DYNC2H1: variants seen among roughly 807,000 people sequenced by gnomAD.
DYNC2H1 encodes the protein cytoplasmic dynein 2 heavy chain 1.
In DYNC2H1, 410 loss-of-function variants were observed where a neutral mutation model predicts 570.0. That is an observed-to-expected ratio of 0.72 (90% CI 0.66 to 0.78). DYNC2H1 has a LOEUF of 0.78. Among genes scored for constraint, DYNC2H1 ranks in the 30% least tolerant of loss-of-function variants. The pLI is 0.00. For missense variants in DYNC2H1, 4,865 were observed against 5,046.4 expected, an observed-to-expected ratio of 0.96 and a Z score of 1.09; for synonymous variants, 1,688 against 1,677.6, an observed-to-expected ratio of 1.01 and a Z score of -0.15.
At chr11:103,457,572 A>ATAATGAAC (rs137865448) in intron 87 of DYNC2H1, among the ~76,000 whole-genome samples, 10,638 of 151,916 alleles carry the variant, frequency 0.07, 629 homozygotes, top group East Asian at 0.2. Context: ...AACTTAAAAA[A>ATAATGAAC]TAATGATATA....
chr11:103,227,459 G>T (rs1389500297), intron 59 of DYNC2H1, among the ~76,000 whole-genome samples: 1 of 152,054 alleles, frequency 6.6e-6, no homozygotes, highest in Non-Finnish European at 1.5e-5. Context: ...TTCAGGAGCA[G>T]GTTATTTAAT....
chr11:103,190,139 G>T (rs1220254535), intron 45 of DYNC2H1, among the ~76,000 whole-genome samples: 1 of 152,102 alleles, frequency 6.6e-6, no homozygotes, highest in African/African-American at 2.4e-5. Flanking sequence ...ACTTCTATCA[G>T]TTTGTGTCTT....
intron 48 of DYNC2H1, among the ~76,000 whole-genome samples, 158 bp downstream of exon 48, chr11:103,198,221 G>A (rs763430346): frequency 1.3e-5 from 2 of 152,174 alleles, no homozygotes; most frequent in East Asian, 1.9e-4. Context: ...CGGATGTAAC[G>A]AGATGTGCCT....
chr11:103,225,094 A>G (rs1863751762), intron 59 of DYNC2H1, among the ~76,000 whole-genome samples: 1 of 151,486 alleles, frequency 6.6e-6, no homozygotes, highest in South Asian at 2.1e-4. Context: ...TTTTTGATGG[A>G]GTCGTTTGTT....
chr11:103,402,416 A>G (rs922362614), intron 84 of DYNC2H1: 2 of 152,134 alleles, frequency 1.3e-5, no homozygotes, highest in South Asian at 4.1e-4. Flanking sequence ...ATATCACGTC[A>G]TCATTGGTAT....
intron 65 of DYNC2H1, among the ~76,000 whole-genome samples, chr11:103,250,273 A>T (rs1235486720): frequency 1.3e-5 from 2 of 152,010 alleles, no homozygotes; most frequent in Non-Finnish European, 2.9e-5. Flanking sequence ...GATAATTTTT[A>T]TTATCTTTTT....
Position 103,165,955 on chromosome 11 carries a change from G to C in DYNC2H1, c.4669G>C (p.Asp1557His). The C allele has an allele frequency of 1.3e-6, 2 of 1,515,540 alleles. No homozygotes were observed. The highest frequency in any genetic ancestry group is 1.8e-6 in the Non-Finnish European group (2 of 1,131,212). The allele number at this position is 1,515,540 out of a possible 1,614,324, so 93.9% of individuals were successfully genotyped here. Residue 1557 changes from aspartate (D) to histidine (H), a missense_variant, in exon 31 of 89, where the codon GAT becomes CAT. Physicochemically the swap from Asp to His is moderately conservative, Grantham distance 81 (BLOSUM62 -1). This residue lies in a region of DYNC2H1 where 1,936 missense variants were observed against 1,962.1 expected (regional missense o/e 0.99). Coordinates refer to ENST00000375735, the MANE Select transcript of DYNC2H1 (RefSeq NM_001377.3). Reference sequence around the variant, plus strand: ...TGAAGATGTAGAAAATGCTATTAAAGATCATAGTCTTCATCAGATTGAAAC... The same window carrying C: ...TGAAGATGTAGAAAATGCTATTAAACATCATAGTCTTCATCAGATTGAAAC... ...FTEDVENAIK[D>H]HSLHQIETQL...
chr11:103,270,115 C>T (rs547379001), intron 70 of DYNC2H1, among the ~76,000 whole-genome samples: 92 of 151,340 alleles, frequency 6.1e-4, no homozygotes, highest in Middle Eastern at 3.4e-3. Context: ...ATTGCTTGAA[C>T]CCAGGAGGTG....
intron 70 of DYNC2H1, among the ~76,000 whole-genome samples, chr11:103,265,799 C>G (rs1190621328): frequency 6.6e-6 from 1 of 152,162 alleles, no homozygotes; most frequent in Non-Finnish European, 1.5e-5. Flanking sequence ...TTGGGCCTAC[C>G]TATCTTCAGT....
intron 83 of DYNC2H1, among the ~76,000 whole-genome samples, chr11:103,380,950 C>T (rs142527708): frequency 1.2e-4 from 18 of 152,182 alleles, no homozygotes; most frequent in East Asian, 1.9e-4. Flanking sequence ...TAACTGTTGC[C>T]GATAGAACTA....
chr11:103,288,118 C>G (rs533999866), intron 75 of DYNC2H1, among the ~76,000 whole-genome samples: 1 of 151,942 alleles, frequency 6.6e-6, no homozygotes, highest in South Asian at 2.1e-4. Flanking sequence ...GGTGTTATCC[C>G]CAGGAGCCAT....
At chr11:103,344,894 A>G (rs960470713) in intron 82 of DYNC2H1, among the ~76,000 whole-genome samples, 2 of 152,200 alleles carry the variant, frequency 1.3e-5, no homozygotes, top group African/African-American at 4.8e-5. Context: ...AGATATTACC[A>G]TAACTTGCAT....
At position 103,163,088 on chromosome 11, in the gene DYNC2H1, T is replaced by C. The variant is rs1271363395; in HGVS notation, c.4552T>C (p.Cys1518Arg). 3 of 1,613,238 alleles carry C rather than the reference T, an allele frequency of 1.9e-6. No homozygotes were observed. The African/African-American group carries it at 4.0e-5, about 22-fold the overall frequency. ...AACTTTGGAACAGTTGTTGAAGGAA[T>C]GTGTTACTACTGGGCGAAGTTCTCA... ...KKTLEQLLKE[C>R]VTTGRSSQGA... The change falls in exon 30 of 89, where the codon TGT becomes CGT. Residue 1518 changes from cysteine (C) to arginine (R), a missense_variant. Physicochemically the swap from Cys to Arg is radical, Grantham distance 180 (BLOSUM62 -3). This residue lies in a region of DYNC2H1 where 1,936 missense variants were observed against 1,962.1 expected (regional missense o/e 0.99). Coordinates refer to ENST00000375735, the MANE Select transcript of DYNC2H1 (RefSeq NM_001377.3). This position sits in a 1 kb window ranked among gnomAD's most constrained non-coding sequence, Gnocchi z 4.6.
At chr11:103,468,412 C>T (rs1410601611) in intron 87 of DYNC2H1, 177 bp from the exon 88 acceptor site, 3 of 450,394 alleles carry the variant, frequency 6.7e-6, no homozygotes, top group Non-Finnish European at 1.2e-5. Flanking sequence ...AAGAAGTTGA[C>T]AGTGAACACT....
At chr11:103,113,750 A>C in intron 2 of DYNC2H1, 43 bp downstream of exon 2, 1 of 1,414,934 alleles carries the variant, frequency 7.1e-7, no homozygotes, top group Non-Finnish European at 9.4e-7. Context: ...AGGTATTTGG[A>C]TAAATGTTTT....
At chr11:103,316,208 C>T (rs1937829171) in intron 79 of DYNC2H1, among the ~76,000 whole-genome samples, 1 of 151,554 alleles carries the variant, frequency 6.6e-6, no homozygotes, top group South Asian at 2.1e-4. Flanking sequence ...GGAGAAAATC[C>T]ACAATTCTGG....
Position 103,120,577 on chromosome 11 carries a change from C to T in DYNC2H1, c.1130C>T (p.Thr377Ile). ...AATCCTGTGCAATATAATCCATATA[C>T]TGAGGTTGTATATATATTTGTTTAT... ...GLNPVQYNPYTEPLWKAAVSQ... is the reference protein window; with the variant it reads ...GLNPVQYNPYIEPLWKAAVSQ... Residue 377 changes from threonine (T) to isoleucine (I), a missense_variant, in exon 7 of 89, where the codon ACT becomes ATT. By Grantham distance (89) the Thr-to-Ile change is moderately conservative. Around this residue, in one of 5 missense-constraint regions of DYNC2H1, gnomAD observed 1,936 missense variants for 1,962.1 expected, o/e 0.99. Transcript: ENST00000375735. The T allele has an allele frequency of 6.2e-7, 1 of 1,610,646 alleles. No individual in the cohort carries two copies. The highest frequency in any genetic ancestry group is 2.2e-5 in the East Asian group (1 of 44,774).
At chr11:103,365,176 A>T (rs1940845558) in intron 83 of DYNC2H1, among the ~76,000 whole-genome samples, 1 of 152,060 alleles carries the variant, frequency 6.6e-6, no homozygotes, top group South Asian at 2.1e-4. Context: ...AGCCTGACAA[A>T]CATGGAGAAA....
intron 82 of DYNC2H1, among the ~76,000 whole-genome samples, chr11:103,350,716 A>G (rs576912569): frequency 6.6e-6 from 1 of 152,132 alleles, no homozygotes; most frequent in Non-Finnish European, 1.5e-5. Flanking sequence ...GCTTGTAGAC[A>G]GCTGCCTTCT....
Sources: allele counts gnomAD v4.1 joint callset (sites outside exome capture counted in the v4.1 genomes callset), GRCh38; gene constraint gnomAD v4.1.1; regional missense constraint gnomAD v4.1.1; non-coding constraint Gnocchi (gnomAD v3.1); transcripts MANE v1.5; gene names NCBI Gene and HGNC (gene_info 2026-07-23, HGNC 2026-07-21).